ZFAT: variants seen among roughly 807,000 people sequenced by gnomAD.
The protein encoded by ZFAT is zinc finger and AT-hook domain containing, also known as zinc finger protein ZFAT.
Under a neutral mutation model 117.7 loss-of-function variants are expected in ZFAT, and 64 were observed. The observed-to-expected ratio is 0.54, with a 90% CI of 0.44 to 0.67. The LOEUF is 0.67. ZFAT is among the 30% of genes least tolerant of loss of function. ZFAT has a pLI of 0.00. For missense variants in ZFAT, 1,433 were observed against 1,584.5 expected (o/e 0.90, Z 1.62); for synonymous variants, 679 against 615.0 (o/e 1.10, Z -1.54).
the ZFAT span, among the ~76,000 whole-genome samples, chr8:134,791,455 A>G: frequency 6.6e-6 from 1 of 152,160 alleles, no homozygotes; most frequent in African/African-American, 2.4e-5. Context: ...GTGTACCTTC[A>G]GCTGCTGAGT....
intron 11 of ZFAT, among the ~76,000 whole-genome samples, chr8:134,537,478 G>A (rs559297201): frequency 6.6e-6 from 1 of 152,344 alleles, no homozygotes; most frequent in Non-Finnish European, 1.5e-5. Flanking sequence ...TGGACCGGGA[G>A]AGATGTGGGC....
intron 11 of ZFAT, 109 bp from the exon 12 acceptor site, chr8:134,533,081 G>A (rs1563816831): frequency 6.9e-7 from 1 of 1,459,040 alleles, no homozygotes; most frequent in Non-Finnish European, 9.2e-7. Flanking sequence ...AGATGAGCAG[G>A]CCCCATCACC....
chr8:134,790,886 A>G, the ZFAT span, among the ~76,000 whole-genome samples: 1 of 152,120 alleles, frequency 6.6e-6, no homozygotes, highest in African/African-American at 2.4e-5. Context: ...AAGGTGGTAC[A>G]TGCCTGTGGT....
At chr8:134,667,184 C>T (rs955006003) in intron 1 of ZFAT, among the ~76,000 whole-genome samples, 10 of 152,030 alleles carry the variant, frequency 6.6e-5, no homozygotes, top group Non-Finnish European at 1.3e-4. Context: ...AGGTAATGCA[C>T]GCAGGGTTTA....
At chr8:134,576,729 A>G (rs1335226244) in intron 10 of ZFAT, among the ~76,000 whole-genome samples, 1 of 152,094 alleles carries the variant, frequency 6.6e-6, no homozygotes, top group African/African-American at 2.4e-5. Flanking sequence ...ATTTGCAGCC[A>G]TGAGATCTCT....
At chr8:134,644,983 AGATAT>A (rs1388995159) in intron 2 of ZFAT, among the ~76,000 whole-genome samples, 3 of 152,186 alleles carry the variant, frequency 2.0e-5, no homozygotes, top group African/African-American at 7.2e-5. Flanking sequence ...ATACACACAG[AGATAT>A]GATCACACAC....
intron 1 of ZFAT, chr8:134,696,686 G>T: frequency 1.1e-6 from 1 of 884,222 alleles, no homozygotes; most frequent in Non-Finnish European, 1.4e-6. Flanking sequence ...GATTGGCCCA[G>T]AATGAGCACA....
At chr8:134,657,493 C>A (rs1428996191) in intron 2 of ZFAT, 68 bp downstream of exon 2, 9 of 1,437,162 alleles carry the variant, frequency 6.3e-6, no homozygotes, top group Non-Finnish European at 7.5e-6. Flanking sequence ...TTCTGCTATG[C>A]CCACGGAGCA....
intron 3 of ZFAT, among the ~76,000 whole-genome samples, chr8:134,615,298 T>C (rs1256713047): frequency 6.6e-6 from 1 of 152,158 alleles, no homozygotes; most frequent in African/African-American, 2.4e-5. Flanking sequence ...GTGATTCTCG[T>C]GCCTCAGCCT....
At chr8:134,645,015 A>G (rs968565441) in intron 2 of ZFAT, among the ~76,000 whole-genome samples, 3 of 152,166 alleles carry the variant, frequency 2.0e-5, no homozygotes, top group Non-Finnish European at 4.4e-5. Flanking sequence ...ATGGGATCAC[A>G]CACACGAGAA....
chr8:134,576,416 C>T (rs7836735), intron 10 of ZFAT, among the ~76,000 whole-genome samples: 13,845 of 152,138 alleles, frequency 0.091, 949 homozygotes, highest in East Asian at 0.36. Context: ...AGAAATCTAC[C>T]ATGTTCATCC....
chr8:134,491,953 A>G, intron 15 of ZFAT, among the ~76,000 whole-genome samples: 1 of 152,276 alleles, frequency 6.6e-6, no homozygotes, highest in East Asian at 1.9e-4. Context: ...TTTTTATTTT[A>G]TAATTAATAA....
intron 11 of ZFAT, among the ~76,000 whole-genome samples, chr8:134,543,028 T>TTAC (rs1453984831): frequency 1.4e-5 from 2 of 145,514 alleles, no homozygotes; most frequent in African/African-American, 5.2e-5. Context: ...GCACATGCAG[T>TTAC]TACTGCACAG....
At chr8:134,695,453 A>G (rs1000148464) in intron 1 of ZFAT, among the ~76,000 whole-genome samples, 1 of 147,210 alleles carries the variant, frequency 6.8e-6, no homozygotes, top group African/African-American at 2.5e-5. Context: ...AGGCCCGGCC[A>G]TCTTAACCAA....
chr8:134,700,159 A>G (rs1384930036), intron 1 of ZFAT, among the ~76,000 whole-genome samples: 1 of 152,252 alleles, frequency 6.6e-6, no homozygotes, highest in Non-Finnish European at 1.5e-5. Context: ...TCTTCAGAGA[A>G]TAAAATCCTC....
At chr8:134,516,558 G>C (rs1820267650) in intron 13 of ZFAT, among the ~76,000 whole-genome samples, 1 of 152,086 alleles carries the variant, frequency 6.6e-6, no homozygotes, top group African/African-American at 2.4e-5. Flanking sequence ...AATAGGGCTG[G>C]GTATGGTGGC....
chr8:134,750,592 T>C, the ZFAT span, among the ~76,000 whole-genome samples: 1 of 152,208 alleles, frequency 6.6e-6, no homozygotes, highest in Non-Finnish European at 1.5e-5. Context: ...ATTTATGATC[T>C]AAAATATGTT....
At chr8:134,523,669 C>T (rs1820822121) in intron 12 of ZFAT, among the ~76,000 whole-genome samples, 1 of 152,170 alleles carries the variant, frequency 6.6e-6, no homozygotes, top group Admixed American at 6.5e-5. Context: ...TGGCAAGTCC[C>T]GCCTCCCTCC....
chr8:134,582,599 A>AT (rs10661157), intron 10 of ZFAT, among the ~76,000 whole-genome samples: 4,202 of 152,060 alleles, frequency 0.028, 217 homozygotes, highest in African/African-American at 0.095. Context: ...TTGATTATGG[A>AT]TTTTTTTTAG....
Sources: allele counts gnomAD v4.1 joint callset (sites outside exome capture counted in the v4.1 genomes callset), GRCh38; gene constraint gnomAD v4.1.1; transcripts MANE v1.5; gene names NCBI Gene and HGNC (gene_info 2026-07-23, HGNC 2026-07-21).